Variants in HNRNPD observed in about 807,000 individuals in gnomAD.
The protein encoded by HNRNPD is heterogeneous nuclear ribonucleoprotein D.
HNRNPD carries 3 observed loss-of-function variants against 47.9 expected under a neutral mutation model. The observed-to-expected ratio is 0.06, with a 90% CI of 0.03 to 0.16. HNRNPD has a LOEUF of 0.16. HNRNPD is among the 10% of genes least tolerant of loss of function. HNRNPD has a pLI of 1.00. For synonymous variants in HNRNPD, 171 were observed against 165.1 expected, an observed-to-expected ratio of 1.04 and a Z score of -0.28; for missense variants, 287 against 454.2, an observed-to-expected ratio of 0.63 and a Z score of 3.35.
chr4:82,368,691 A>C (rs1268969764), intron 2 of HNRNPD, among the ~76,000 whole-genome samples: 1 of 152,232 alleles, frequency 6.6e-6, no homozygotes, highest in African/African-American at 2.4e-5. Flanking sequence ...ACTTTACTAC[A>C]TACAGTAAAC....
chr4:82,362,843 G>A (rs192726764), intron 2 of HNRNPD, among the ~76,000 whole-genome samples: 54 of 151,922 alleles, frequency 3.6e-4, no homozygotes, highest in African/African-American at 1.2e-3. Flanking sequence ...CAAGTGATCC[G>A]CCCGCTCCAG....
In HNRNPD at chr4:82,353,657, G is replaced by T. The variant is rs1185314185; in HGVS notation, c.*528C>A. 1 of 152,588 alleles carries T rather than the reference G, an allele frequency of 6.6e-6. No homozygotes were observed. The highest frequency in any genetic ancestry group is 1.5e-5 in the Non-Finnish European group (1 of 68,028). 9.5% of individuals were successfully genotyped at this position (152,588 alleles called of 1,614,324 possible). A position where few individuals can be genotyped will look rare whatever the true frequency, so the allele number is the denominator to read the frequency against. Reference sequence around the variant, plus strand: ...ATTGACATTAAGTCATTCCCAATTTGGACAGGGAGGACACATTATGGCAAA... The same window carrying T: ...ATTGACATTAAGTCATTCCCAATTTTGACAGGGAGGACACATTATGGCAAA... On this transcript the variant is annotated 3_prime_UTR_variant, in exon 9 of 9. Coordinates refer to ENST00000313899, the MANE Select transcript of HNRNPD (RefSeq NM_031370.3).
chr4:82,355,602 G>C lies in HNRNPD; in HGVS notation c.1001-201C>G, dbSNP rs772075954. On this transcript the variant is annotated intron_variant, in intron 7 of 8. Transcript: ENST00000313899. ...CAATGGCAGGCATTCAGAATGAGCT[G>C]ATTACTTGACTTATTGTATAAAATG... 3 of 569,780 alleles carry C rather than the reference G, an allele frequency of 5.3e-6. No individual in the cohort carries two copies. The South Asian group carries it at 7.2e-5, about 14-fold the overall frequency. 35.3% of individuals were successfully genotyped at this position (569,780 alleles called of 1,614,324 possible).
chr4:82,370,415 G>A (rs191520584), intron 2 of HNRNPD, among the ~76,000 whole-genome samples: 7 of 152,280 alleles, frequency 4.6e-5, no homozygotes, highest in Non-Finnish European at 1.0e-4. Context: ...ATGTCAAATA[G>A]TTTATAGTTT....
At chr4:82,356,990 GAGT>G (rs1028145025) in intron 5 of HNRNPD, 95 bp from the exon 6 acceptor site, 39 of 1,060,412 alleles carry the variant, frequency 3.7e-5, no homozygotes, top group Non-Finnish European at 5.6e-5. Flanking sequence ...TGTTTAAATA[GAGT>G]AGGCTAATTT....
chr4:82,360,250 T>TA (rs1291900262), intron 2 of HNRNPD, among the ~76,000 whole-genome samples: 1 of 152,110 alleles, frequency 6.6e-6, no homozygotes, highest in East Asian at 1.9e-4. Context: ...CTAATTAACT[T>TA]AGATGATTCG....
Position 82,353,735 on chromosome 4 carries a change from C to T in HNRNPD, c.*450G>A, listed in dbSNP as rs1028814778. 3 of 152,612 alleles carry T rather than the reference C, an allele frequency of 2.0e-5. No individual in the cohort carries two copies. The highest frequency in any genetic ancestry group is 4.4e-5 in the Non-Finnish European group (3 of 68,020). 9.5% of individuals were successfully genotyped at this position (152,612 alleles called of 1,614,324 possible). On this transcript the variant is annotated 3_prime_UTR_variant, in exon 9 of 9. Transcript: ENST00000313899. Reference sequence around the variant, plus strand: ...ACTTCACTGCAATTTTAATCATGTCCTCAATTTCGGCAAGCCTGTCTTCCA... The same window carrying T: ...ACTTCACTGCAATTTTAATCATGTCTTCAATTTCGGCAAGCCTGTCTTCCA...
chr4:82,372,886 C>T (rs1720132724), intron 1 of HNRNPD, among the ~76,000 whole-genome samples: 1 of 152,158 alleles, frequency 6.6e-6, no homozygotes, highest in Admixed American at 6.5e-5. Context: ...GAAACTTATT[C>T]AAAATCCCAA....
At chr4:82,364,610 A>C (rs1023715349) in intron 2 of HNRNPD, among the ~76,000 whole-genome samples, 2 of 152,198 alleles carry the variant, frequency 1.3e-5, no homozygotes, top group Admixed American at 1.3e-4. Context: ...TAATATTTTC[A>C]ATGCTGCCAA....
intron 8 of HNRNPD, chr4:82,355,031 G>A (rs1424552915): frequency 1.4e-5 from 6 of 427,690 alleles, no homozygotes; most frequent in Non-Finnish European, 2.5e-5. Flanking sequence ...TATAATGTCA[G>A]AGTTAGTAGG....
intron 2 of HNRNPD, among the ~76,000 whole-genome samples, chr4:82,361,441 T>A (rs1719429276): frequency 6.6e-6 from 1 of 152,216 alleles, no homozygotes; most frequent in Non-Finnish European, 1.5e-5. Context: ...ATTTAACTAT[T>A]AAATTACCCT....
In HNRNPD at chr4:82,357,195, T is replaced by C. The variant is rs1254677728; in HGVS notation, c.753+118A>G. 51 of 1,198,378 alleles carry C rather than the reference T, an allele frequency of 4.3e-5. No individual in the cohort carries two copies. In the East Asian group the frequency reaches 6.9e-4, roughly 16 times the overall value. 74.2% of individuals were successfully genotyped at this position (1,198,378 alleles called of 1,614,324 possible). On this transcript the variant is annotated intron_variant, in intron 5 of 8. Coordinates refer to ENST00000313899, the MANE Select transcript of HNRNPD (RefSeq NM_031370.3). ...CCACAAAAAGTTGGTCAATGGTAAG[T>C]AACCAATGAGAAGTTTTTAAAGCAT...
In HNRNPD at chr4:82,362,472, T is replaced by C. The variant is rs56080902; in HGVS notation, c.291-2833A>G. ...AAAAAAGGTTGTTGTTCTCAGGGTA[T>C]GCTTAGGCTTTAAAAAAAAAAAAAT... On this transcript the variant is annotated intron_variant, in intron 2 of 8. Coordinates refer to ENST00000313899, the MANE Select transcript of HNRNPD (RefSeq NM_031370.3). 4.6e-3 allele frequency among the ~76,000 whole-genome samples: 660 copies of C among 144,964 alleles called. 4 individuals are homozygous for C. The highest frequency in any genetic ancestry group is 0.017 in the African/African-American group (628 of 37,272).
chr4:82,363,030 A>ATGTG (rs753865029), intron 2 of HNRNPD, among the ~76,000 whole-genome samples: 43 of 123,494 alleles, frequency 3.5e-4, no homozygotes, highest in African/African-American at 2.9e-4. Context: ...TTTTATATAT[A>ATGTG]TATGTGTGTG....
At chr4:82,372,141 T>TA (rs145595139) in intron 1 of HNRNPD, among the ~76,000 whole-genome samples, 2,291 of 150,966 alleles carry the variant, frequency 0.015, 49 homozygotes, top group African/African-American at 0.052. Flanking sequence ...TCTTTACAGT[T>TA]AAAAAAAAAT....
At chr4:82,371,477 T>C in intron 2 of HNRNPD, 51 bp downstream of exon 2, 1 of 1,418,374 alleles carries the variant, frequency 7.1e-7, no homozygotes, top group Non-Finnish European at 9.8e-7. Flanking sequence ...CCTCTACATA[T>C]TATGACTACT....
chr4:82,373,898 C>G lies in HNRNPD; in HGVS notation c.-220G>C, dbSNP rs1332549542. On this transcript the variant is annotated 5_prime_UTR_variant, in exon 1 of 9. Coordinates refer to ENST00000313899, the MANE Select transcript of HNRNPD (RefSeq NM_031370.3). ...GCGCGGCGCACACTCCCGCTCTCTC[C>G]CGCTGCACTAAAAAAGAATAAGCAC... The G allele has an allele frequency of 1.5e-5, 16 of 1,082,746 alleles. No individual in the cohort carries two copies. In the African/African-American group the frequency reaches 1.7e-4, roughly 11 times the overall value. The allele number at this position is 1,082,746 out of a possible 1,614,324, so 67.1% of individuals were successfully genotyped here.
intron 3 of HNRNPD, among the ~76,000 whole-genome samples, chr4:82,359,247 A>G (rs1460635979): frequency 6.6e-6 from 1 of 152,160 alleles, no homozygotes; most frequent in African/African-American, 2.4e-5. Context: ...AGTCTATAGT[A>G]TCTTTAAAGT....
At chr4:82,367,757 C>T (rs778053392) in intron 2 of HNRNPD, among the ~76,000 whole-genome samples, 42 of 152,244 alleles carry the variant, frequency 2.8e-4, no homozygotes, top group Non-Finnish European at 5.7e-4. Flanking sequence ...CTAGCTCCAA[C>T]GTACAATATA....
Sources: allele counts gnomAD v4.1 joint callset (sites outside exome capture counted in the v4.1 genomes callset), GRCh38; gene constraint gnomAD v4.1.1; transcripts MANE v1.5; gene names NCBI Gene and HGNC (gene_info 2026-07-23, HGNC 2026-07-21).